RSRC1: variants seen among roughly 807,000 people sequenced by gnomAD.
The protein encoded by RSRC1 is serine/Arginine-related protein 53.
A neutral mutation model predicts 49.1 loss-of-function variants in RSRC1; 39 were observed. The observed-to-expected ratio is 0.79, with a 90% CI of 0.61 to 1.04. RSRC1 has a LOEUF of 1.04. RSRC1 is among the 50% of genes least tolerant of loss of function. RSRC1 has a pLI of 0.00. For synonymous variants in RSRC1, 143 were observed against 130.8 expected (o/e 1.09, Z -0.63); for missense variants, 388 against 402.4 (o/e 0.96, Z 0.31).
intron 4 of RSRC1, among the ~76,000 whole-genome samples, chr3:158,257,384 C>G (rs74334309): frequency 6.6e-6 from 1 of 152,108 alleles, no homozygotes; most frequent in Admixed American, 6.5e-5. Flanking sequence ...TTGACCTCTT[C>G]ATTATATAAT....
intron 7 of RSRC1, among the ~76,000 whole-genome samples, chr3:158,514,472 G>A (rs1740381750): frequency 6.6e-6 from 1 of 152,184 alleles, no homozygotes; most frequent in African/African-American, 2.4e-5. Flanking sequence ...TTGCACTGTG[G>A]TCTGAGAGAT....
At chr3:158,420,942 A>T (rs1735011582) in intron 6 of RSRC1, among the ~76,000 whole-genome samples, 1 of 151,942 alleles carries the variant, frequency 6.6e-6, no homozygotes, top group African/African-American at 2.4e-5. Flanking sequence ...CTAAGAATGT[A>T]ATAATAATTC....
At chr3:158,542,984 G>C (rs1403276738) in intron 8 of RSRC1, among the ~76,000 whole-genome samples, 4 of 151,970 alleles carry the variant, frequency 2.6e-5, no homozygotes, top group Middle Eastern at 3.2e-3. Flanking sequence ...GTATAGGCAC[G>C]TAAGTACCAA....
intron 3 of RSRC1, among the ~76,000 whole-genome samples, chr3:158,185,616 G>A (rs377517802): frequency 1.3e-3 from 196 of 151,904 alleles, no homozygotes; most frequent in Admixed American, 3.5e-3. Context: ...ACTAACAAAT[G>A]TGTACTCAGA....
intron 3 of RSRC1, among the ~76,000 whole-genome samples, chr3:158,179,817 T>C (rs1218821346): frequency 6.6e-6 from 1 of 152,234 alleles, no homozygotes; most frequent in Admixed American, 6.5e-5. Flanking sequence ...GCCAAACTAT[T>C]TTCCAGATTT....
At chr3:158,413,117 A>G (rs1734548419) in intron 6 of RSRC1, among the ~76,000 whole-genome samples, 1 of 152,202 alleles carries the variant, frequency 6.6e-6, no homozygotes, top group Admixed American at 6.5e-5. Flanking sequence ...TAGCCAAAAC[A>G]GTGTGGTACT....
At chr3:158,348,912 AG>A (rs1263831923) in intron 5 of RSRC1, among the ~76,000 whole-genome samples, 1 of 152,186 alleles carries the variant, frequency 6.6e-6, no homozygotes, top group African/African-American at 2.4e-5. Context: ...GTTGCTGCAA[AG>A]GACATGATTT....
intron 4 of RSRC1, among the ~76,000 whole-genome samples, chr3:158,224,120 A>C (rs827807): frequency 0.57 from 86,408 of 151,502 alleles, 25,007 homozygotes; most frequent in East Asian, 0.73. Flanking sequence ...TGCTTGATGC[A>C]TAAATGGTAC....
At chr3:158,261,227 G>A (rs181225368) in intron 4 of RSRC1, among the ~76,000 whole-genome samples, 8 of 152,282 alleles carry the variant, frequency 5.3e-5, no homozygotes, top group Non-Finnish European at 7.3e-5. Flanking sequence ...AATTCTGCTA[G>A]CTGTGTATGT....
chr3:158,540,043 T>C lies in RSRC1; in HGVS notation c.759+2845T>C, dbSNP rs144830024. ...CATGGCTAAGATACGCAGAATGATATGCTCTTACAGTCCCCGTAAGGCAGT... is the reference window on the plus strand; with the variant it reads ...CATGGCTAAGATACGCAGAATGATACGCTCTTACAGTCCCCGTAAGGCAGT... On this transcript the variant is annotated intron_variant, in intron 8 of 9. Coordinates refer to ENST00000611884, the MANE Select transcript of RSRC1 (RefSeq NM_001271838.2). Among the ~76,000 whole-genome samples, 13 of 152,324 alleles carry C rather than the reference T, an allele frequency of 8.5e-5. No homozygotes were observed. In the East Asian group the frequency reaches 2.5e-3, roughly 29 times the overall value.
At chr3:158,316,289 A>G (rs561617138) in intron 5 of RSRC1, among the ~76,000 whole-genome samples, 37 of 152,312 alleles carry the variant, frequency 2.4e-4, no homozygotes, top group African/African-American at 8.9e-4. Flanking sequence ...AAAGACCAGC[A>G]GAATGTCAGC....
intron 6 of RSRC1, among the ~76,000 whole-genome samples, chr3:158,414,861 C>T (rs1003442174): frequency 9.2e-5 from 14 of 152,002 alleles, no homozygotes; most frequent in African/African-American, 3.4e-4. Context: ...TAGGCTTTCT[C>T]GAATTTGATT....
At position 158,544,296 on chromosome 3, in the gene RSRC1, T is replaced by C. The variant is rs761785079; in HGVS notation, c.*21T>C. The stretch of plus-strand genomic sequence containing the variant: ...CCTAAGTAATATACATATAGTTGGA[T>C]TGGATTGTCAGCAGTAACATTGGAA... On this transcript the variant is annotated 3_prime_UTR_variant, in exon 10 of 10. Coordinates refer to ENST00000611884, the MANE Select transcript of RSRC1 (RefSeq NM_001271838.2). The C allele has an allele frequency of 2.1e-6, 3 of 1,458,976 alleles. No homozygotes were observed. Among genetic ancestry groups the C allele is most frequent in the Admixed American group, 1.9e-5 (1 of 53,188 alleles). 90.4% of individuals were successfully genotyped at this position (1,458,976 alleles called of 1,614,324 possible).
chr3:158,515,229 G>A (rs1740446017), intron 7 of RSRC1, among the ~76,000 whole-genome samples: 1 of 152,110 alleles, frequency 6.6e-6, no homozygotes, highest in African/African-American at 2.4e-5. Context: ...TTTTGCAGCG[G>A]CTGATATTGG....
intron 4 of RSRC1, among the ~76,000 whole-genome samples, chr3:158,242,693 A>G (rs1176094457): frequency 6.6e-6 from 1 of 151,898 alleles, no homozygotes; most frequent in East Asian, 1.9e-4. Context: ...CTTTTTCTAC[A>G]CAACCTCGCC....
chr3:158,196,549 T>C (rs528767128), intron 3 of RSRC1, among the ~76,000 whole-genome samples: 66 of 151,986 alleles, frequency 4.3e-4, no homozygotes, highest in Middle Eastern at 3.4e-3. Flanking sequence ...TGAATAGGAG[T>C]GGTGAGAGAG....
chr3:158,292,137 G>A (rs746004013), intron 4 of RSRC1, among the ~76,000 whole-genome samples: 2 of 152,062 alleles, frequency 1.3e-5, no homozygotes, highest in South Asian at 2.1e-4. Context: ...TGCTTCATAC[G>A]TGTTGAGCCA....
At chr3:158,124,646 G>C (rs1715500464) in intron 3 of RSRC1, among the ~76,000 whole-genome samples, 1 of 151,912 alleles carries the variant, frequency 6.6e-6, no homozygotes, top group South Asian at 2.1e-4. Flanking sequence ...ATTCAGTCTT[G>C]GTAGGTGGTA....
In RSRC1 at chr3:158,307,217, A is replaced by G. The variant is rs116937868; in HGVS notation, c.531+9142A>G. Among the ~76,000 whole-genome samples, 7 of 152,046 alleles carry G rather than the reference A, an allele frequency of 4.6e-5. No homozygotes were observed. The East Asian group carries it at 1.4e-3, about 29-fold the overall frequency. On this transcript the variant is annotated intron_variant, in intron 5 of 9. Coordinates refer to ENST00000611884, the MANE Select transcript of RSRC1 (RefSeq NM_001271838.2). ...GTTTACTGCTTTTACTTGGAAAATA[A>G]GCAGAGTGCTGGAAGCACTGGGTTA...
Sources: allele counts gnomAD v4.1 joint callset (sites outside exome capture counted in the v4.1 genomes callset), GRCh38; gene constraint gnomAD v4.1.1; transcripts MANE v1.5; gene names NCBI Gene and HGNC (gene_info 2026-07-23, HGNC 2026-07-21).